Variants in WDFY3 observed in about 807,000 individuals in gnomAD.
The protein encoded by WDFY3 is WD repeat and FYVE domain-containing protein 3.
WDFY3 carries 66 observed loss-of-function variants against 409.6 expected under a neutral mutation model. The ratio of observed to expected loss-of-function variants is 0.16; its 90% CI spans 0.13 to 0.20. The LOEUF is 0.20. Ranked by LOEUF, WDFY3 falls within the 10% of genes least tolerant of loss-of-function variation. The pLI, the probability that WDFY3 is intolerant of heterozygous loss-of-function variation, is 1.00. For synonymous variants in WDFY3, 1,521 were observed against 1,537.1 expected, an observed-to-expected ratio of 0.99 and a Z score of 0.25; for missense variants, 3,031 against 4,298.1, an observed-to-expected ratio of 0.71 and a Z score of 8.24.
At chr4:84,907,088 T>C (rs1767140614) in intron 2 of WDFY3, among the ~76,000 whole-genome samples, 1 of 152,188 alleles carries the variant, frequency 6.6e-6, no homozygotes, top group Non-Finnish European at 1.5e-5. Context: ...TATTTCCATT[T>C]GGACAAAAGT....
intron 44 of WDFY3, among the ~76,000 whole-genome samples, chr4:84,730,707 T>A (rs559365863): frequency 6.6e-6 from 1 of 152,208 alleles, no homozygotes; most frequent in African/African-American, 2.4e-5. Flanking sequence ...TCTTTTTGCT[T>A]CCTAGGCCAT....
chr4:84,771,779 G>C (rs138850986), intron 30 of WDFY3, among the ~76,000 whole-genome samples: 426 of 152,220 alleles, frequency 2.8e-3, no homozygotes, highest in African/African-American at 9.7e-3. Context: ...GTTATTCATT[G>C]ATCTGATCTT....
At position 84,809,934 on chromosome 4, in the gene WDFY3, A is replaced by G; in HGVS notation, c.2298T>C (p.Ser766=). The G allele has an allele frequency of 6.2e-7, 1 of 1,614,138 alleles. No homozygotes were observed. Among genetic ancestry groups the G allele is most frequent in the East Asian group, 2.2e-5 (1 of 44,884 alleles). ...CTTTGTAAAGATAAATAAAAAGTTT[A>G]CTGCAGTGCCGTAACGTGGGTGACA... ...ESVSPTLRHC[S]KLFIYLYKVA... The change falls in exon 14 of 68, where the codon AGT becomes AGC. Residue 766 remains serine, a synonymous_variant. Coordinates refer to ENST00000295888, the MANE Select transcript of WDFY3 (RefSeq NM_014991.6).
chr4:84,836,709 A>T (rs1391287632), intron 7 of WDFY3, among the ~76,000 whole-genome samples: 1 of 152,176 alleles, frequency 6.6e-6, no homozygotes, highest in East Asian at 1.9e-4. Flanking sequence ...CTGTTCAGAG[A>T]AACAAACTTG....
chr4:84,954,900 T>C (rs1774047777), intron 1 of WDFY3, among the ~76,000 whole-genome samples: 1 of 152,146 alleles, frequency 6.6e-6, no homozygotes, highest in Admixed American at 6.5e-5. Context: ...CTTTATTTGT[T>C]ACATGTTAAG....
chr4:84,720,527 T>TG (rs1436816947), intron 47 of WDFY3, among the ~76,000 whole-genome samples: 1 of 152,140 alleles, frequency 6.6e-6, no homozygotes, highest in Non-Finnish European at 1.5e-5. Flanking sequence ...GTCTGGGTCA[T>TG]GGGGGTGGGC....
At chr4:84,943,159 C>T (rs1047703270) in intron 1 of WDFY3, among the ~76,000 whole-genome samples, 1 of 152,158 alleles carries the variant, frequency 6.6e-6, no homozygotes, top group African/African-American at 2.4e-5. Context: ...ATTTTCTCTT[C>T]CTTATGATTT....
chr4:84,894,232 G>C (rs553386404), intron 3 of WDFY3, among the ~76,000 whole-genome samples: 1 of 152,268 alleles, frequency 6.6e-6, no homozygotes, highest in South Asian at 2.1e-4. Context: ...TTACTTTTGA[G>C]AACATAAACT....
In WDFY3 at chr4:84,904,794, T is replaced by C. The variant is rs1446514048; in HGVS notation, c.-131-7784A>G. On this transcript the variant is annotated intron_variant, in intron 2 of 67. Transcript: ENST00000295888. Reference sequence around the variant, plus strand: ...CCTCCTAACTCTCTGAGCTTCAAGATTGTTTAATTGATTGCCACTTGACGT... The same window carrying C: ...CCTCCTAACTCTCTGAGCTTCAAGACTGTTTAATTGATTGCCACTTGACGT... 1.1e-4 allele frequency among the ~76,000 whole-genome samples: 17 copies of C among 152,310 alleles called. No individual in the cohort carries two copies. The East Asian group carries it at 2.3e-3, about 21-fold the overall frequency.
chr4:84,729,336 C>G (rs1578274104), intron 44 of WDFY3, among the ~76,000 whole-genome samples: 1 of 151,764 alleles, frequency 6.6e-6, no homozygotes, highest in Non-Finnish European at 1.5e-5. Flanking sequence ...CTTACACTAT[C>G]TATAATATTT....
chr4:84,724,378 A>T, intron 46 of WDFY3, 48 bp downstream of exon 46: 2 of 1,557,184 alleles, frequency 1.3e-6, no homozygotes, highest in Non-Finnish European at 1.7e-6. Flanking sequence ...TTCAAATACA[A>T]GAATGTTCCA....
chr4:84,814,460 G>C (rs1030898156), intron 13 of WDFY3, among the ~76,000 whole-genome samples: 1 of 152,086 alleles, frequency 6.6e-6, no homozygotes, highest in Admixed American at 6.6e-5. Flanking sequence ...TAAAAATATT[G>C]AATGAAAAAT....
At chr4:84,882,997 G>A (rs1038422383) in intron 3 of WDFY3, among the ~76,000 whole-genome samples, 26 of 152,240 alleles carry the variant, frequency 1.7e-4, no homozygotes, top group Middle Eastern at 3.4e-3. Context: ...ATGAGCCACC[G>A]TGCCTGGCCT....
chr4:84,743,622 G>A, intron 37 of WDFY3, 78 bp downstream of exon 37: 11 of 1,115,998 alleles, frequency 9.9e-6, no homozygotes, highest in Non-Finnish European at 1.3e-5. Flanking sequence ...AAAAGCTGAT[G>A]TTAAAAAGTA....
intron 35 of WDFY3, among the ~76,000 whole-genome samples, chr4:84,753,241 C>T (rs1011530866): frequency 6.6e-5 from 10 of 151,912 alleles, no homozygotes; most frequent in African/African-American, 2.2e-4. Context: ...AAAAGTCAGG[C>T]GGAAGAAAGG....
intron 3 of WDFY3, among the ~76,000 whole-genome samples, chr4:84,864,575 CTTT>C (rs1022711421): frequency 6.6e-6 from 1 of 152,098 alleles, no homozygotes; most frequent in African/African-American, 2.4e-5. Context: ...TCTTTCACTT[CTTT>C]GATTAAGTTT....
chr4:84,950,325 T>A (rs1470065730), intron 1 of WDFY3, among the ~76,000 whole-genome samples: 1 of 151,792 alleles, frequency 6.6e-6, no homozygotes, highest in Non-Finnish European at 1.5e-5. Flanking sequence ...AGATGATGGG[T>A]TAATAGGTGC....
At chr4:84,931,356 T>C (rs1579180441) in intron 2 of WDFY3, among the ~76,000 whole-genome samples, 1 of 152,188 alleles carries the variant, frequency 6.6e-6, no homozygotes, top group Non-Finnish European at 1.5e-5. Flanking sequence ...GGAATCAGAG[T>C]CTGTTCCGGC....
chr4:84,743,405 G>A (rs1738803437), intron 37 of WDFY3, among the ~76,000 whole-genome samples: 1 of 152,146 alleles, frequency 6.6e-6, no homozygotes, highest in African/African-American at 2.4e-5. Flanking sequence ...GTACACCTAT[G>A]TGGTCCATAT....
Sources: allele counts gnomAD v4.1 joint callset (sites outside exome capture counted in the v4.1 genomes callset), GRCh38; gene constraint gnomAD v4.1.1; transcripts MANE v1.5; gene names NCBI Gene and HGNC (gene_info 2026-07-23, HGNC 2026-07-21).